The following DNAJB2 variants were observed in gnomAD, a reference collection of about 807,000 sequenced individuals.
DNAJB2 encodes dnaJ homolog subfamily B member 2.
A neutral mutation model predicts 33.3 loss-of-function variants in DNAJB2; 19 were observed. The ratio of observed to expected loss-of-function variants is 0.57; its 90% CI spans 0.40 to 0.84. DNAJB2 has a LOEUF of 0.84. Among genes scored for constraint, DNAJB2 ranks in the 40% least tolerant of loss-of-function variants. The pLI is 0.00. For missense variants in DNAJB2, 368 were observed against 430.9 expected, an observed-to-expected ratio of 0.85 and a Z score of 1.29; for synonymous variants, 172 against 164.6, an observed-to-expected ratio of 1.04 and a Z score of -0.34.
chr2:219,281,463 T>G (rs1377631482), intron 3 of DNAJB2: 3 of 500,920 alleles, frequency 6.0e-6, no homozygotes, highest in Non-Finnish European at 1.1e-5. Context: ...GTGGATGGTC[T>G]CATTTGATCT....
At chr2:219,282,795 A>G (rs199518675) in intron 5 of DNAJB2, 42 bp from the exon 6 acceptor site, 3 of 1,511,456 alleles carry the variant, frequency 2.0e-6, no homozygotes, top group Non-Finnish European at 2.7e-6. Flanking sequence ...TTGAGGGGAA[A>G]TGTCATTACC....
At chr2:219,281,677 A>T (rs765997763) in intron 3 of DNAJB2, 41 bp from the exon 4 acceptor site, 2 of 1,612,512 alleles carry the variant, frequency 1.2e-6, no homozygotes, top group South Asian at 2.2e-5. Flanking sequence ...AGGGGAGCCC[A>T]TCCCAGAGGG....
Position 219,281,907 on chromosome 2 carries a change from CCCTAAGCTCTCT to C in DNAJB2, c.230-28_230-17del, listed in dbSNP as rs1559286113. 6.2e-7 allele frequency: 1 copy of C among 1,612,824 alleles called. No individual in the cohort carries two copies. Among genetic ancestry groups the C allele is most frequent in the Admixed American group, 1.7e-5 (1 of 59,974 alleles). On this transcript the variant is annotated intron_variant, in intron 4 of 8. Transcript: ENST00000336576. ...TCCCCCGCTCAGGGCAGGATGCATG[CCCTAAGCTCTCT>C]CCTCATCCTGCCTTTCCAGGAACTG...
At chr2:219,283,267 G>C (rs1951923633) in intron 7 of DNAJB2, 32 bp downstream of exon 7, 1 of 1,613,550 alleles carries the variant, frequency 6.2e-7, no homozygotes. Flanking sequence ...ATAGAGGGGT[G>C]AGAGGTCTGC....
rs911574877 is a variant in DNAJB2 at position 219,285,545 on chromosome 2, G to A, written c.*558G>A. Reference sequence around the variant, plus strand: ...CCCATTCTCTCTGCAACTCCCTGCGGGCCGCATCGCTTGCTTTCACTGCCG... The same window carrying A: ...CCCATTCTCTCTGCAACTCCCTGCGAGCCGCATCGCTTGCTTTCACTGCCG... On this transcript the variant is annotated 3_prime_UTR_variant, in exon 9 of 9. Transcript: ENST00000336576. 17 of 1,023,074 alleles carry A rather than the reference G, an allele frequency of 1.7e-5. No individual in the cohort carries two copies. Among genetic ancestry groups the A allele is most frequent in the Admixed American group, 5.3e-5 (1 of 18,870 alleles). 63.4% of individuals were successfully genotyped at this position (1,023,074 alleles called of 1,614,324 possible).
At chr2:219,283,993 C>A (rs1342169403) in intron 8 of DNAJB2, among the ~76,000 whole-genome samples, 1 of 152,240 alleles carries the variant, frequency 6.6e-6, no homozygotes, top group Non-Finnish European at 1.5e-5. Flanking sequence ...GCTAACCTTT[C>A]ACGCCTGCTG....
Position 219,286,248 on chromosome 2 carries a change from A to G in DNAJB2, c.*1261A>G, listed in dbSNP as rs1248325549. On this transcript the variant is annotated 3_prime_UTR_variant, in exon 9 of 9. Coordinates refer to ENST00000336576, the MANE Select transcript of DNAJB2 (RefSeq NM_006736.6). The stretch of plus-strand genomic sequence containing the variant: ...CGGTGTGCCCGGCCTCATTTCTGAT[A>G]GATCCCGCTTGGGGGAGGTGGTGTA... 3.9e-6 allele frequency: 2 copies of G among 509,086 alleles called. No homozygotes were observed. Among genetic ancestry groups the G allele is most frequent in the Non-Finnish European group, 7.0e-6 (2 of 284,054 alleles). 31.5% of individuals were successfully genotyped at this position (509,086 alleles called of 1,614,324 possible).
Position 219,284,916 on chromosome 2 carries a change from G to T in DNAJB2, c.904G>T (p.Gly302Cys), listed in dbSNP as rs1290358388. Residue 302 changes from glycine to cysteine, a missense_variant, in exon 9 of 9, where the codon GGT becomes TGT. Physicochemically the swap from Gly to Cys is radical, Grantham distance 159 (BLOSUM62 -3). Coordinates refer to ENST00000336576, the MANE Select transcript of DNAJB2 (RefSeq NM_006736.6). ...TCCAGGCTTGGGGGGGACCCAGGAG[G>T]GTGCGAGGGGTGAAGCAACCAAACG... Reference protein sequence around the residue: ...QDPGLGGTQEGARGEATKRSP... With the variant: ...QDPGLGGTQECARGEATKRSP... 3 of 1,584,696 alleles carry T rather than the reference G, an allele frequency of 1.9e-6. No individual in the cohort carries two copies. The highest frequency in any genetic ancestry group is 2.6e-6 in the Non-Finnish European group (3 of 1,161,782).
chr2:219,285,813 C>T lies in DNAJB2; in HGVS notation c.*826C>T, dbSNP rs995496710. On this transcript the variant is annotated 3_prime_UTR_variant, in exon 9 of 9. Coordinates refer to ENST00000336576, the MANE Select transcript of DNAJB2 (RefSeq NM_006736.6). The stretch of plus-strand genomic sequence containing the variant: ...TCACCCTGAAGAGGTGGGATAGGAC[C>T]GGGGGACCCCAGAGGGAGGCCTAGG... The T allele has an allele frequency of 4.0e-5, 57 of 1,408,554 alleles. No individual in the cohort carries two copies. Among genetic ancestry groups the T allele is most frequent in the Admixed American group, 2.4e-4 (9 of 37,480 alleles). The allele number at this position is 1,408,554 out of a possible 1,614,324, so 87.3% of individuals were successfully genotyped here.
chr2:219,283,955 C>T (rs973582479), intron 8 of DNAJB2, among the ~76,000 whole-genome samples: 1 of 152,192 alleles, frequency 6.6e-6, no homozygotes, highest in Non-Finnish European at 1.5e-5. Context: ...GCCCCTGCAA[C>T]ACCATGCTGT....
Position 219,285,097 on chromosome 2 carries a change from G to A in DNAJB2, c.*110G>A. 7.2e-7 allele frequency: 1 copy of A among 1,392,998 alleles called. No individual in the cohort carries two copies. 86.3% of individuals were successfully genotyped at this position (1,392,998 alleles called of 1,614,324 possible). ...TGTAGGAACTGCTTTCCAACTCCAA[G>A]CTCCCTCCACAAGTTTCCCTCCCAG... On this transcript the variant is annotated 3_prime_UTR_variant, in exon 9 of 9. Coordinates refer to ENST00000336576, the MANE Select transcript of DNAJB2 (RefSeq NM_006736.6).
In DNAJB2 at chr2:219,286,021, G is replaced by A. The variant is rs79243351; in HGVS notation, c.*1034G>A. ...GAGCTGGATGCCGGGTTCCAGAATC[G>A]CTGCACAGTTCCAACAGGACAGCGC... On this transcript the variant is annotated 3_prime_UTR_variant, in exon 9 of 9. Transcript: ENST00000336576. 3.1e-6 allele frequency: 5 copies of A among 1,612,220 alleles called. No individual in the cohort carries two copies. The highest frequency in any genetic ancestry group is 1.7e-4 in the Middle Eastern group (1 of 6,056).
At position 219,281,760 on chromosome 2, in the gene DNAJB2, T is replaced by C. The variant is rs1250206079; in HGVS notation, c.218T>C (p.Leu73Pro). The C allele has an allele frequency of 1.9e-6, 3 of 1,613,958 alleles. No individual in the cohort carries two copies. The highest frequency in any genetic ancestry group is 2.5e-6 in the Non-Finnish European group (3 of 1,180,008). ...EIYDRYGREG[L>P]TGTGTGPSRA... Reference sequence around the variant, plus strand: ...TACGACCGCTATGGCCGGGAAGGGCTGACAGGGACAGGTAGGTGGAGTGGT... The same window carrying C: ...TACGACCGCTATGGCCGGGAAGGGCCGACAGGGACAGGTAGGTGGAGTGGT... Residue 73 changes from leucine (L) to proline (P), a missense_variant, in exon 4 of 9, where the codon CTG becomes CCG. Leu to Pro is a moderately conservative substitution (Grantham distance 98, BLOSUM62 -3). Transcript: ENST00000336576.
At position 219,284,984 on chromosome 2, in the gene DNAJB2, C is replaced by G; in HGVS notation, c.972C>G (p.Leu324=). The stretch of plus-strand genomic sequence containing the variant: ...AGAAGGCCTCTCGCTGCCTCATCCT[C>G]TGAACACCGGGCCCAACCTGATCTG... The part of the protein sequence containing the change: ...PEEKASRCLI[L] Residue 324 remains leucine (L), a synonymous_variant, in exon 9 of 9, where the codon CTC becomes CTG. Coordinates refer to ENST00000336576, the MANE Select transcript of DNAJB2 (RefSeq NM_006736.6). 2 of 1,502,614 alleles carry G rather than the reference C, an allele frequency of 1.3e-6. No individual in the cohort carries two copies. The highest frequency in any genetic ancestry group is 2.3e-5 in the East Asian group (1 of 42,996). 93.1% of individuals were successfully genotyped at this position (1,502,614 alleles called of 1,614,324 possible). A position where few individuals can be genotyped will look rare whatever the true frequency, so the allele number is the denominator to read the frequency against.
intron 8 of DNAJB2, 64 bp downstream of exon 8, chr2:219,283,553 C>A: frequency 6.7e-7 from 1 of 1,499,556 alleles, no homozygotes; most frequent in East Asian, 2.4e-5. Context: ...CAGCAGCCTC[C>A]TCCCCAAACT....
Position 219,284,976 on chromosome 2 carries a change from C to G in DNAJB2, c.964C>G (p.Leu322Val), listed in dbSNP as rs1249403186. The change falls in exon 9 of 9, where the codon CTC becomes GTC. Residue 322 changes from leucine (L) to valine (V), a missense_variant. By Grantham distance (32) the Leu-to-Val change is conservative (BLOSUM62 1). Transcript: ENST00000336576. ...CCCAGAGGAGAAGGCCTCTCGCTGC[C>G]TCATCCTCTGAACACCGGGCCCAAC... The part of the protein sequence containing the change: ...PSPEEKASRC[L>V]IL 2.0e-6 allele frequency: 3 copies of G among 1,513,032 alleles called. No individual in the cohort carries two copies. The highest frequency in any genetic ancestry group is 1.3e-5 in the South Asian group (1 of 76,922). The allele number at this position is 1,513,032 out of a possible 1,614,324, so 93.7% of individuals were successfully genotyped here. A position where few individuals can be genotyped will look rare whatever the true frequency, so the allele number is the denominator to read the frequency against.
intron 2 of DNAJB2, chr2:219,280,105 C>G: frequency 1.7e-6 from 1 of 597,750 alleles, no homozygotes. Context: ...GTTAGTTCCT[C>G]TGGGAGCTGC....
chr2:219,285,819 A>G lies in DNAJB2; in HGVS notation c.*832A>G. On this transcript the variant is annotated 3_prime_UTR_variant, in exon 9 of 9. Transcript: ENST00000336576. ...TGAAGAGGTGGGATAGGACCGGGGGACCCCAGAGGGAGGCCTAGGAGGGGA... is the reference window on the plus strand; with the variant it reads ...TGAAGAGGTGGGATAGGACCGGGGGGCCCCAGAGGGAGGCCTAGGAGGGGA... 7.1e-7 allele frequency: 1 copy of G among 1,409,404 alleles called. No homozygotes were observed. Among genetic ancestry groups the G allele is most frequent in the Admixed American group, 2.6e-5 (1 of 37,738 alleles). 87.3% of individuals were successfully genotyped at this position (1,409,404 alleles called of 1,614,324 possible). A position where few individuals can be genotyped will look rare whatever the true frequency, so the allele number is the denominator to read the frequency against.
At chr2:219,280,304 C>G (rs1951892631) in intron 2 of DNAJB2, 1 of 547,818 alleles carries the variant, frequency 1.8e-6, no homozygotes, top group Admixed American at 3.3e-5. Context: ...TGTGCCCCAA[C>G]CTTTGCAGCC....
Sources: allele counts gnomAD v4.1 joint callset (sites outside exome capture counted in the v4.1 genomes callset), GRCh38; gene constraint gnomAD v4.1.1; transcripts MANE v1.5; gene names NCBI Gene and HGNC (gene_info 2026-07-23, HGNC 2026-07-21).